KIAA0825: variants seen among roughly 807,000 people sequenced by gnomAD.
KIAA0825 encodes uncharacterized protein KIAA0825.
Under a neutral mutation model 147.6 loss-of-function variants are expected in KIAA0825, and 119 were observed. The observed-to-expected ratio is 0.81, with a 90% confidence interval of 0.69 to 0.94. KIAA0825 has a LOEUF of 0.94. KIAA0825 is among the 40% of genes least tolerant of loss of function. The probability of loss-of-function intolerance (pLI) is 0.00; values close to 1 mark genes in which losing one functional copy is unlikely to be tolerated. For synonymous variants in KIAA0825, 470 were observed against 518.1 expected, an observed-to-expected ratio of 0.91 and a Z score of 1.26; for missense variants, 1,381 against 1,472.7, an observed-to-expected ratio of 0.94 and a Z score of 1.02.
At chr5:94,371,791 T>C (rs1746752126) in intron 20 of KIAA0825, among the ~76,000 whole-genome samples, 1 of 152,198 alleles carries the variant, frequency 6.6e-6, no homozygotes, top group Non-Finnish European at 1.5e-5. Flanking sequence ...AACACAATCA[T>C]GCCTTCCCAA....
At chr5:94,242,859 G>A (rs1441819882) in intron 20 of KIAA0825, among the ~76,000 whole-genome samples, 1 of 152,128 alleles carries the variant, frequency 6.6e-6, no homozygotes, top group Non-Finnish European at 1.5e-5. Flanking sequence ...GACCTCAAGT[G>A]ATTCACCTGC....
intron 6 of KIAA0825, among the ~76,000 whole-genome samples, chr5:94,481,498 A>G (rs1762495292): frequency 1.3e-5 from 2 of 152,098 alleles, no homozygotes; most frequent in South Asian, 4.1e-4. Context: ...CAAAAGCTGA[A>G]TCTGTAGAAG....
intron 20 of KIAA0825, among the ~76,000 whole-genome samples, chr5:94,159,855 GTTA>G (rs1291905717): frequency 2.0e-5 from 3 of 152,080 alleles, no homozygotes; most frequent in African/African-American, 7.2e-5. Flanking sequence ...CCTGTTTAAT[GTTA>G]TTATGAAACA....
intron 1 of KIAA0825, among the ~76,000 whole-genome samples, chr5:94,603,785 GA>G (rs1561382985): frequency 6.6e-6 from 1 of 152,166 alleles, no homozygotes; most frequent in Non-Finnish European, 1.5e-5. Context: ...CCTAGTTTCT[GA>G]CAAAAGAGAC....
chr5:94,566,492 A>G (rs917993514), intron 2 of KIAA0825, among the ~76,000 whole-genome samples: 2 of 152,152 alleles, frequency 1.3e-5, no homozygotes, highest in Non-Finnish European at 2.9e-5. Context: ...CAAAAAATTT[A>G]TATCTTTGCT....
intron 5 of KIAA0825, among the ~76,000 whole-genome samples, chr5:94,508,834 C>CA (rs1181476890): frequency 6.6e-6 from 1 of 152,166 alleles, no homozygotes; most frequent in Non-Finnish European, 1.5e-5. Context: ...CTGGTGCTAC[C>CA]ACACACAGCC....
chr5:94,453,340 T>A (rs1195265890), intron 12 of KIAA0825, among the ~76,000 whole-genome samples: 2 of 3,020 alleles, frequency 6.6e-4, no homozygotes, highest in African/African-American at 0.011. Context: ...GTGTGGCTGA[T>A]TTTTTTTTTT....
chr5:94,571,616 T>C (rs1347184834), intron 2 of KIAA0825, among the ~76,000 whole-genome samples: 2 of 152,234 alleles, frequency 1.3e-5, no homozygotes, highest in Non-Finnish European at 2.9e-5. Context: ...TTTTTAGATG[T>C]GGTCTTAAAA....
intron 20 of KIAA0825, among the ~76,000 whole-genome samples, chr5:94,362,563 T>C (rs1295494215): frequency 6.9e-6 from 1 of 144,180 alleles, no homozygotes; most frequent in East Asian, 1.9e-4. Context: ...AGATGTACGT[T>C]CTGACTCCCT....
intron 1 of KIAA0825, among the ~76,000 whole-genome samples, chr5:94,600,175 A>G (rs1561377129): frequency 1.3e-5 from 2 of 152,194 alleles, no homozygotes. Flanking sequence ...TTGGGGAAGT[A>G]TTGCCACTTC....
intron 8 of KIAA0825, among the ~76,000 whole-genome samples, 161 bp from the exon 9 acceptor site, chr5:94,471,892 T>G (rs1761249461): frequency 6.6e-6 from 1 of 152,200 alleles, no homozygotes; most frequent in Non-Finnish European, 1.5e-5. Context: ...GAAAGTTAAA[T>G]GTTTTATGTC....
intron 3 of KIAA0825, among the ~76,000 whole-genome samples, chr5:94,534,593 G>C (rs993056306): frequency 2.1e-4 from 32 of 152,020 alleles, no homozygotes; most frequent in Non-Finnish European, 4.1e-4. Flanking sequence ...GTTCCATATT[G>C]TATTTTCTTT....
intron 13 of KIAA0825, among the ~76,000 whole-genome samples, chr5:94,444,875 C>T (rs764792509): frequency 6.6e-6 from 1 of 152,036 alleles, no homozygotes; most frequent in Non-Finnish European, 1.5e-5. Flanking sequence ...TGTATTAATC[C>T]GTTTTCACAT....
At chr5:94,297,460 A>C (rs1236177040) in intron 20 of KIAA0825, among the ~76,000 whole-genome samples, 1 of 152,126 alleles carries the variant, frequency 6.6e-6, no homozygotes, top group Non-Finnish European at 1.5e-5. Flanking sequence ...AGTATTAATT[A>C]TGTTTTTTCC....
At chr5:94,561,916 T>C (rs949584834) in intron 2 of KIAA0825, among the ~76,000 whole-genome samples, 3 of 152,196 alleles carry the variant, frequency 2.0e-5, no homozygotes, top group Admixed American at 6.6e-5. Context: ...TATATAACTA[T>C]AATAACGTAA....
chr5:94,316,187 A>G (rs1334535340), intron 20 of KIAA0825, among the ~76,000 whole-genome samples: 1 of 151,744 alleles, frequency 6.6e-6, no homozygotes, highest in East Asian at 1.9e-4. Context: ...GTTTAAAGCA[A>G]AAAGATAGAA....
At chr5:94,328,467 TAG>T (rs1655193761) in intron 20 of KIAA0825, among the ~76,000 whole-genome samples, 1 of 152,032 alleles carries the variant, frequency 6.6e-6, no homozygotes, top group Non-Finnish European at 1.5e-5. Context: ...ATAAAGTGAA[TAG>T]AGATTGATAT....
chr5:94,506,977 C>T (rs1250845397), intron 5 of KIAA0825, among the ~76,000 whole-genome samples: 2 of 151,926 alleles, frequency 1.3e-5, no homozygotes, highest in African/African-American at 2.4e-5. Flanking sequence ...GCATAGAACT[C>T]GTAATTGCAT....
chr5:94,471,550 T>C lies in KIAA0825; in HGVS notation c.1637A>G (p.Asn546Ser), dbSNP rs765856016. 6.4e-6 allele frequency: 10 copies of C among 1,551,938 alleles called. No individual in the cohort carries two copies. The highest frequency in any genetic ancestry group is 2.4e-5 in the South Asian group (2 of 84,054). The part of the protein sequence containing the change: ...KEVPSKAPLK[N>S]LHTYLSTAVY... Reference sequence around the variant, plus strand: ...CGCTGTGGAGAGGTATGTGTGCAAGTTTTTCAGGGGTGCTTTGGAAGGAAC... The same window carrying C: ...CGCTGTGGAGAGGTATGTGTGCAAGCTTTTCAGGGGTGCTTTGGAAGGAAC... The change falls in exon 9 of 21, where the codon AAC becomes AGC. Residue 546 changes from asparagine to serine, a missense_variant. Coordinates refer to ENST00000682413, the MANE Select transcript of KIAA0825 (RefSeq NM_001145678.3).
Sources: allele counts gnomAD v4.1 joint callset (sites outside exome capture counted in the v4.1 genomes callset), GRCh38; gene constraint gnomAD v4.1.1; transcripts MANE v1.5; gene names NCBI Gene and HGNC (gene_info 2026-07-23, HGNC 2026-07-21).